The following SHISA9 variants were observed in gnomAD, a reference collection of about 807,000 sequenced individuals.
SHISA9 encodes protein shisa-9.
Under a neutral mutation model 38.0 loss-of-function variants are expected in SHISA9, and 13 were observed. That is an observed-to-expected ratio of 0.34 (90% confidence interval 0.22 to 0.54). The LOEUF is 0.54. SHISA9 is among the 20% of genes least tolerant of loss of function. SHISA9 has a pLI of 0.91. For synonymous variants in SHISA9, 275 were observed against 242.0 expected, an observed-to-expected ratio of 1.14 and a Z score of -1.27; for missense variants, 538 against 575.8, an observed-to-expected ratio of 0.93 and a Z score of 0.67.
the SHISA9 span, among the ~76,000 whole-genome samples, chr16:13,370,671 T>A: frequency 6.6e-6 from 1 of 152,220 alleles, no homozygotes; most frequent in Non-Finnish European, 1.5e-5. Context: ...ATTCCCACTA[T>A]GATCTTGTTT....
chr16:13,469,352 AAGAAAGAAAAGAAAAAGAAAG>A, the SHISA9 span, among the ~76,000 whole-genome samples: 31 of 128,254 alleles, frequency 2.4e-4, no homozygotes, highest in Admixed American at 5.2e-4. Flanking sequence ...GAAAGAAAGA[AAGAAAGAAAAGAAAAAGAAAG>A]AAAGAAAGAA....
the SHISA9 span, among the ~76,000 whole-genome samples, chr16:13,246,129 C>T: frequency 1.4e-4 from 22 of 152,226 alleles, no homozygotes; most frequent in African/African-American, 4.6e-4. Flanking sequence ...GGCTTGGCTG[C>T]TTCCCCACCC....
chr16:13,043,424 T>C (rs904518289), intron 2 of SHISA9, among the ~76,000 whole-genome samples: 1 of 152,222 alleles, frequency 6.6e-6, no homozygotes, highest in Non-Finnish European at 1.5e-5. Flanking sequence ...GGAGGGTATT[T>C]GTGGTTTCTC....
the SHISA9 span, among the ~76,000 whole-genome samples, chr16:13,542,864 C>G: frequency 6.6e-6 from 1 of 152,180 alleles, no homozygotes; most frequent in Non-Finnish European, 1.5e-5. Flanking sequence ...GCGTTTCTGT[C>G]TCTTTCATCC....
In SHISA9 at chr16:13,129,787, C is replaced by T. The variant is rs563169236; in HGVS notation, c.692-73607C>T. ...GTCTGACCTCTAGACCTGCCTTTTT[C>T]ACACCATCCTTTCTCCTATTTACCA... On this transcript the variant is annotated intron_variant, in intron 2 of 4. Transcript: ENST00000558583. 1.1e-4 allele frequency among the ~76,000 whole-genome samples: 17 copies of T among 152,174 alleles called. No homozygotes were observed. In the South Asian group the frequency reaches 1.7e-3, roughly 15 times the overall value.
chr16:13,159,225 T>G (rs1451560536), intron 2 of SHISA9, among the ~76,000 whole-genome samples: 1 of 152,134 alleles, frequency 6.6e-6, no homozygotes, highest in African/African-American at 2.4e-5. Context: ...TTACATAAAT[T>G]AACATGAATT....
At chr16:12,975,650 C>CGCGG (rs1555451375) in intron 2 of SHISA9, among the ~76,000 whole-genome samples, 3 of 8,174 alleles carry the variant, frequency 3.7e-4, no homozygotes, top group African/African-American at 1.0e-3. Context: ...TGGGGTGGGA[C>CGCGG]GGGGGCGGGG....
chr16:12,936,336 A>C (rs1322015885), intron 2 of SHISA9, among the ~76,000 whole-genome samples: 1 of 152,188 alleles, frequency 6.6e-6, no homozygotes, highest in African/African-American at 2.4e-5. Flanking sequence ...CTAGGTTTCC[A>C]TGGCTGGAGT....
the SHISA9 span, among the ~76,000 whole-genome samples, chr16:13,475,315 T>C: frequency 3.4e-3 from 376 of 111,788 alleles, 2 homozygotes; most frequent in African/African-American, 0.014. Flanking sequence ...AGGAAACATA[T>C]ATATGCTTAA....
chr16:13,398,587 G>A, the SHISA9 span, among the ~76,000 whole-genome samples: 19 of 147,914 alleles, frequency 1.3e-4, no homozygotes, highest in South Asian at 4.3e-4. Context: ...TGCAACCTCC[G>A]CCCCCCACCC....
At chr16:12,969,496 G>A (rs1596555527) in intron 2 of SHISA9, among the ~76,000 whole-genome samples, 1 of 151,918 alleles carries the variant, frequency 6.6e-6, no homozygotes, top group Non-Finnish European at 1.5e-5. Flanking sequence ...GTAATCCCAG[G>A]ACTTTGAGAG....
At chr16:13,526,638 G>A in the SHISA9 span, among the ~76,000 whole-genome samples, 1 of 152,006 alleles carries the variant, frequency 6.6e-6, no homozygotes, top group African/African-American at 2.4e-5. Context: ...TGCCTGCCTC[G>A]GCCTCCCAAA....
the SHISA9 span, among the ~76,000 whole-genome samples, chr16:13,473,994 T>C: frequency 6.6e-6 from 1 of 152,320 alleles, no homozygotes; most frequent in African/African-American, 2.4e-5. Context: ...CCTGATGCTG[T>C]GCAATGTGCA....
the SHISA9 span, among the ~76,000 whole-genome samples, chr16:13,541,714 G>A: frequency 6.6e-6 from 1 of 152,152 alleles, no homozygotes; most frequent in Non-Finnish European, 1.5e-5. Context: ...GTGGAGAGCT[G>A]AATCACCCAT....
chr16:13,526,339 A>T, the SHISA9 span, among the ~76,000 whole-genome samples: 267 of 152,214 alleles, frequency 1.8e-3, 1 homozygote, highest in African/African-American at 5.4e-3. Context: ...TTTTAGCCTC[A>T]TGTCTTCTTG....
intron 2 of SHISA9, among the ~76,000 whole-genome samples, chr16:13,073,277 G>A (rs1165187366): frequency 1.4e-5 from 2 of 147,738 alleles, no homozygotes; most frequent in African/African-American, 2.5e-5. Flanking sequence ...GATTAATTGA[G>A]GTCCCTGGGG....
At chr16:13,356,619 C>A in the SHISA9 span, among the ~76,000 whole-genome samples, 2 of 151,952 alleles carry the variant, frequency 1.3e-5, no homozygotes, top group Non-Finnish European at 2.9e-5. Flanking sequence ...TGGTGAGGAG[C>A]AGCCTGGGGA....
At chr16:13,309,709 ACT>A in the SHISA9 span, among the ~76,000 whole-genome samples, 35 of 151,680 alleles carry the variant, frequency 2.3e-4, no homozygotes, top group African/African-American at 8.5e-4. Flanking sequence ...TATATTTTTA[ACT>A]CTTTTATGAT....
chr16:12,984,092 A>T (rs956586721), intron 2 of SHISA9, among the ~76,000 whole-genome samples: 17 of 152,106 alleles, frequency 1.1e-4, no homozygotes, highest in African/African-American at 4.1e-4. Context: ...GACCTGGCAT[A>T]CATGTAATCC....
Sources: gnomAD v4.1 joint callset for allele counts (sites outside exome capture counted in the v4.1 genomes callset) on GRCh38, gnomAD v4.1.1 for gene constraint, MANE v1.5 for transcripts, NCBI Gene and HGNC (gene_info 2026-07-23, HGNC 2026-07-21) for gene names.